THOC7: variants seen among roughly 807,000 people sequenced by gnomAD.
THOC7 encodes THO complex subunit 7, also known as NIF3L1-binding protein 1.
In THOC7, 22 loss-of-function variants were observed where a neutral mutation model predicts 33.1. That is an observed-to-expected ratio of 0.66 (90% CI 0.47 to 0.95). The LOEUF (loss-of-function observed/expected upper bound fraction) is 0.95, where lower values mean the gene tolerates loss of function less well. Among genes scored for constraint, THOC7 ranks in the 40% least tolerant of loss-of-function variants. The pLI is 0.00. For synonymous variants in THOC7, 77 were observed against 76.8 expected, an observed-to-expected ratio of 1.00 and a Z score of -0.01; for missense variants, 184 against 245.3, an observed-to-expected ratio of 0.75 and a Z score of 1.67.
At chr3:63,838,195 C>A (rs1701673870) in intron 3 of THOC7, 133 bp from the exon 4 acceptor site, 7 of 949,388 alleles carry the variant, frequency 7.4e-6, no homozygotes, top group Non-Finnish European at 1.1e-5. Context: ...TAGCTGTAAC[C>A]CAAAGTACTA....
chr3:63,837,129 T>C (rs1323620092), intron 4 of THOC7, among the ~76,000 whole-genome samples: 1 of 151,994 alleles, frequency 6.6e-6, no homozygotes. Flanking sequence ...GTTTTAGAAC[T>C]GAGCATATTA....
At chr3:63,859,455 A>C (rs1174288441) in intron 1 of THOC7, among the ~76,000 whole-genome samples, 1 of 152,180 alleles carries the variant, frequency 6.6e-6, no homozygotes, top group Non-Finnish European at 1.5e-5. Flanking sequence ...TTTCCTCTAA[A>C]GGGTGCAGAG....
At chr3:63,842,783 C>T (rs775128052) in intron 1 of THOC7, among the ~76,000 whole-genome samples, 6 of 152,104 alleles carry the variant, frequency 3.9e-5, no homozygotes, top group East Asian at 3.9e-4. Flanking sequence ...GTACACTACC[C>T]GGGTGACAGG....
intron 1 of THOC7, among the ~76,000 whole-genome samples, chr3:63,841,347 C>T (rs940939760): frequency 3.9e-5 from 6 of 152,150 alleles, no homozygotes; most frequent in African/African-American, 1.4e-4. Context: ...AATTTTCCTG[C>T]ATGTCTTTGT....
chr3:63,838,132 T>C, intron 3 of THOC7, 70 bp from the exon 4 acceptor site: 1 of 1,409,212 alleles, frequency 7.1e-7, no homozygotes, highest in Non-Finnish European at 9.7e-7. Flanking sequence ...TTAAAACGCA[T>C]TTATAAATTA....
rs1019530826 is a variant in THOC7 at position 63,834,026 on chromosome 3, T to G, written c.*106A>C. ...TACATTCATACTTAAAAACAGAGTA[T>G]TTTACTGCCAAAACTTTAAATATCT... On this transcript the variant is annotated 3_prime_UTR_variant, in exon 8 of 8. Transcript: ENST00000295899. 177 of 1,108,400 alleles carry G rather than the reference T, an allele frequency of 1.6e-4. No homozygotes were observed. The highest frequency in any genetic ancestry group is 2.3e-4 in the Non-Finnish European group (175 of 767,792). 68.7% of individuals were successfully genotyped at this position (1,108,400 alleles called of 1,614,324 possible). A position where few individuals can be genotyped will look rare whatever the true frequency, so the allele number is the denominator to read the frequency against.
At chr3:63,854,160 A>G (rs1702068745) in intron 1 of THOC7, among the ~76,000 whole-genome samples, 1 of 152,194 alleles carries the variant, frequency 6.6e-6, no homozygotes, top group Non-Finnish European at 1.5e-5. Flanking sequence ...GAATTATTGA[A>G]ATAACATGTA....
chr3:63,847,423 C>G (rs577324382), intron 1 of THOC7, among the ~76,000 whole-genome samples: 1 of 152,210 alleles, frequency 6.6e-6, no homozygotes, highest in East Asian at 1.9e-4. Flanking sequence ...AGTGCTGTGT[C>G]TCCAAAAAGC....
At chr3:63,863,455 T>G (rs1702285927) in intron 1 of THOC7, 5 of 1,142,688 alleles carry the variant, frequency 4.4e-6, no homozygotes, top group Non-Finnish European at 5.4e-6. Flanking sequence ...TCTAGCCGTC[T>G]CGGCCACCCA....
chr3:63,854,193 A>G (rs1702069053), intron 1 of THOC7, among the ~76,000 whole-genome samples: 1 of 152,238 alleles, frequency 6.6e-6, no homozygotes, highest in African/African-American at 2.4e-5. Context: ...CACAGCTCCA[A>G]CAGAAACAGA....
At chr3:63,861,174 C>A (rs565967899) in intron 1 of THOC7, among the ~76,000 whole-genome samples, 2 of 152,316 alleles carry the variant, frequency 1.3e-5, no homozygotes, top group East Asian at 1.9e-4. Flanking sequence ...CGTTCAGAGA[C>A]TGAAGCTGAG....
At chr3:63,861,061 C>T (rs531866163) in intron 1 of THOC7, 6 of 152,300 alleles carry the variant, frequency 3.9e-5, no homozygotes, top group Admixed American at 1.3e-4. Flanking sequence ...TTAATATTTA[C>T]TGAATATTAA....
upstream of THOC7, chr3:63,863,840 G>T: frequency 8.2e-7 from 1 of 1,222,112 alleles, no homozygotes. Context: ...TGAGGCGGCG[G>T]TTGGCGGCGG....
At chr3:63,856,545 A>T (rs57112859) in intron 1 of THOC7, among the ~76,000 whole-genome samples, 30,782 of 151,940 alleles carry the variant, frequency 0.2, 3,326 homozygotes, top group African/African-American at 0.27. Flanking sequence ...CTTAAAAAAA[A>T]TTTTATGGGT....
chr3:63,840,475 C>A (rs950731519), intron 1 of THOC7, among the ~76,000 whole-genome samples: 4 of 152,068 alleles, frequency 2.6e-5, no homozygotes. Flanking sequence ...CTGTTAGTCC[C>A]AGTAACTTGG....
rs1160636307 is a variant in THOC7 at position 63,833,985 on chromosome 3, G to A, written c.*147C>T. ...ACTGAAGTCATTTTCCTTTGTGAGA[G>A]GAAATATGAATGAAATACATTCATA... On this transcript the variant is annotated 3_prime_UTR_variant, in exon 8 of 8. Transcript: ENST00000295899. 5.8e-6 allele frequency: 4 copies of A among 694,840 alleles called. No individual in the cohort carries two copies. The highest frequency in any genetic ancestry group is 9.2e-6 in the Non-Finnish European group (4 of 436,180). 43.0% of individuals were successfully genotyped at this position (694,840 alleles called of 1,614,324 possible). A position where few individuals can be genotyped will look rare whatever the true frequency, so the allele number is the denominator to read the frequency against.
intron 1 of THOC7, among the ~76,000 whole-genome samples, chr3:63,850,987 G>A (rs1702009635): frequency 6.6e-6 from 1 of 152,098 alleles, no homozygotes; most frequent in Non-Finnish European, 1.5e-5. Context: ...AAATACATTG[G>A]GTATTGTAGA....
At position 63,835,360 on chromosome 3, in the gene THOC7, C is replaced by CTT; in HGVS notation, c.440_441insAA (p.His148SerfsTer16). The CTT allele has an allele frequency of 6.2e-7, 1 of 1,613,404 alleles. No individual in the cohort carries two copies. The highest frequency in any genetic ancestry group is 8.5e-7 in the Non-Finnish European group (1 of 1,179,734). On this transcript the variant is annotated frameshift_variant, in exon 6 of 8. Coordinates refer to ENST00000295899, the MANE Select transcript of THOC7 (RefSeq NM_025075.4). LOFTEE classifies it high-confidence loss of function. ...CACTTTCTTTAATGTGTGAAAGATG[C>CTT]TCTAATTCTTTTCCCAGAGCCTCTA... is the stretch of plus-strand genomic sequence containing the variant.
intron 1 of THOC7, chr3:63,844,930 A>AAAATGTGGAAGCTATAATACCTG: frequency 1.7e-6 from 1 of 580,534 alleles, no homozygotes; most frequent in Non-Finnish European, 3.1e-6. Context: ...ATAATACCTG[A>AAAATGTGGAAGCTATAATACCTG]AAATGTGGAA....
Sources: gnomAD v4.1 joint callset for allele counts (sites outside exome capture counted in the v4.1 genomes callset) on GRCh38, gnomAD v4.1.1 for gene constraint, MANE v1.5 for transcripts, NCBI Gene and HGNC (gene_info 2026-07-23, HGNC 2026-07-21) for gene names.